STK32A: variants seen among roughly 807,000 people sequenced by gnomAD.
STK32A encodes serine/threonine-protein kinase 32A.
A neutral mutation model predicts 53.2 loss-of-function variants in STK32A; 41 were observed. The observed-to-expected ratio is 0.77, with a 90% CI of 0.60 to 1.00. The LOEUF (loss-of-function observed/expected upper bound fraction) is 1.00. Ranked by LOEUF, STK32A falls within the 50% of genes least tolerant of loss-of-function variation. The pLI, the probability that STK32A is intolerant of heterozygous loss-of-function variation, is 0.00. For synonymous variants in STK32A, 166 were observed against 162.8 expected, an observed-to-expected ratio of 1.02 and a Z score of -0.15; for missense variants, 458 against 485.8, an observed-to-expected ratio of 0.94 and a Z score of 0.54.
chr5:147,378,618 G>C (rs1165700630), intron 11 of STK32A, among the ~76,000 whole-genome samples: 1 of 152,014 alleles, frequency 6.6e-6, no homozygotes, highest in Non-Finnish European at 1.5e-5. Flanking sequence ...ATTCATCACT[G>C]TTTAGGTACC....
chr5:147,327,846 T>C (rs1033895979), intron 5 of STK32A, among the ~76,000 whole-genome samples: 5 of 152,228 alleles, frequency 3.3e-5, no homozygotes, highest in African/African-American at 9.6e-5. Context: ...GCTGCAGCTC[T>C]GAGGGGAGCA....
intron 4 of STK32A, among the ~76,000 whole-genome samples, chr5:147,279,894 C>T (rs546984983): frequency 2.6e-5 from 4 of 152,246 alleles, no homozygotes; most frequent in South Asian, 2.1e-4. Context: ...CTGAAGGAAA[C>T]GACTGCTCCT....
chr5:147,293,246 A>G (rs1239270634), intron 4 of STK32A, among the ~76,000 whole-genome samples: 1 of 152,138 alleles, frequency 6.6e-6, no homozygotes, highest in African/African-American at 2.4e-5. Context: ...TGACATAACA[A>G]TCGTAATTAT....
At chr5:147,303,233 T>C (rs10042676) in intron 4 of STK32A, among the ~76,000 whole-genome samples, 6,326 of 152,252 alleles carry the variant, frequency 0.042, 412 homozygotes, top group East Asian at 0.21. Flanking sequence ...CAAAACTTAT[T>C]AACTCAAAAC....
intron 2 of STK32A, among the ~76,000 whole-genome samples, chr5:147,266,815 G>A (rs1197837245): frequency 2.6e-5 from 4 of 152,026 alleles, no homozygotes; most frequent in African/African-American, 4.8e-5. Context: ...ACCTGAGGTC[G>A]GGAGTTCAAG....
At position 147,316,859 on chromosome 5, in the gene STK32A, GAAA is replaced by G. The variant is rs35058586; in HGVS notation, c.261-7018_261-7016del. ...TAAATAGCAAGACCCTGTTTCTGGC[GAAA>G]AAAAAAAAAAAAAAAAAAAAGGAAG... is the stretch of plus-strand genomic sequence containing the variant. On this transcript the variant is annotated intron_variant, in intron 4 of 12. Coordinates refer to ENST00000397936, the MANE Select transcript of STK32A (RefSeq NM_001112724.2). 7.5e-3 allele frequency among the ~76,000 whole-genome samples: 458 copies of G among 61,332 alleles called. 2 individuals carry two copies. Among genetic ancestry groups the G allele is most frequent in the African/African-American group, 0.029 (437 of 15,234 alleles). 40.2% of individuals were successfully genotyped at this position (61,332 alleles called of 152,430 possible). A position where few individuals can be genotyped will look rare whatever the true frequency, so the allele number is the denominator to read the frequency against.
intron 2 of STK32A, among the ~76,000 whole-genome samples, chr5:147,260,191 C>G: frequency 2.3e-5 from 1 of 43,096 alleles, no homozygotes; most frequent in South Asian, 6.4e-4. Flanking sequence ...TCTCTCTCTC[C>G]TCTCTCTCTC....
At chr5:147,310,066 T>C (rs965837871) in intron 4 of STK32A, among the ~76,000 whole-genome samples, 3 of 152,212 alleles carry the variant, frequency 2.0e-5, no homozygotes, top group Non-Finnish European at 4.4e-5. Flanking sequence ...ACTGATACTT[T>C]AATATTCTTA....
At chr5:147,263,159 C>T (rs1009057832) in intron 2 of STK32A, among the ~76,000 whole-genome samples, 32 of 152,268 alleles carry the variant, frequency 2.1e-4, no homozygotes, top group Non-Finnish European at 1.2e-4. Flanking sequence ...TCCCACTTGG[C>T]TCTGATAATA....
At chr5:147,370,130 A>C (rs1756943553) in intron 8 of STK32A, among the ~76,000 whole-genome samples, 1 of 152,146 alleles carries the variant, frequency 6.6e-6, no homozygotes, top group Admixed American at 6.6e-5. Context: ...ACTCTGTGGA[A>C]CCAGGGACTC....
the STK32A span, chr5:147,401,491 CAAG>C: frequency 6.4e-7 from 1 of 1,558,808 alleles, no homozygotes; most frequent in Admixed American, 1.9e-5. Flanking sequence ...CAGCTGGACT[CAAG>C]AGATGTTTTC....
intron 2 of STK32A, among the ~76,000 whole-genome samples, chr5:147,247,389 G>A (rs866598591): frequency 1.3e-5 from 2 of 152,176 alleles, no homozygotes; most frequent in African/African-American, 2.4e-5. Flanking sequence ...ACAGGACATT[G>A]GCAAAAAGGA....
chr5:147,370,565 GGTTGAAA>G lies in STK32A; in HGVS notation c.661-85_661-79del, dbSNP rs1368375958. 1.5e-4 allele frequency: 115 copies of G among 754,678 alleles called. No individual in the cohort carries two copies. The South Asian group carries it at 2.0e-3, about 13-fold the overall frequency. 46.7% of individuals were successfully genotyped at this position (754,678 alleles called of 1,614,324 possible). A position where few individuals can be genotyped will look rare whatever the true frequency, so the allele number is the denominator to read the frequency against. On this transcript the variant is annotated intron_variant, in intron 8 of 12. Coordinates refer to ENST00000397936, the MANE Select transcript of STK32A (RefSeq NM_001112724.2). ...TAGAAATTGATATAGATATTTTATC[GGTTGAAA>G]GTTTAGCTTGGAAACATTTGGAAAT...
chr5:147,235,645 T>A (rs1753281127), intron 1 of STK32A, among the ~76,000 whole-genome samples: 1 of 152,184 alleles, frequency 6.6e-6, no homozygotes, highest in Non-Finnish European at 1.5e-5. Flanking sequence ...TACCTAGATT[T>A]CAGAAGTATG....
chr5:147,269,528 G>A (rs945296422), intron 2 of STK32A, among the ~76,000 whole-genome samples: 3 of 152,176 alleles, frequency 2.0e-5, no homozygotes, highest in East Asian at 1.9e-4. Flanking sequence ...AATTGACTTT[G>A]CCTTTAGCGA....
At chr5:147,394,004 G>T in the STK32A span, 1 of 1,608,438 alleles carries the variant, frequency 6.2e-7, no homozygotes, top group Non-Finnish European at 8.5e-7. Context: ...ATCTCTTCTT[G>T]CTTCTGCCCC....
the STK32A span, chr5:147,393,810 G>A: frequency 1.8e-6 from 1 of 556,316 alleles, no homozygotes. Flanking sequence ...TGTAAATGGG[G>A]GGAGGGGAGT....
chr5:147,260,378 T>G (rs1317234798), intron 2 of STK32A, among the ~76,000 whole-genome samples: 1 of 151,832 alleles, frequency 6.6e-6, no homozygotes, highest in Non-Finnish European at 1.5e-5. Context: ...CTCTGCCAGC[T>G]GCTTATGCTG....
chr5:147,375,328 G>C, intron 11 of STK32A, 110 bp downstream of exon 11: 1 of 1,385,840 alleles, frequency 7.2e-7, no homozygotes, highest in Admixed American at 2.7e-5. Flanking sequence ...TTGCTGCTTA[G>C]TGAAATAGGA....
Sources: gnomAD v4.1 joint callset for allele counts (sites outside exome capture counted in the v4.1 genomes callset) on GRCh38, gnomAD v4.1.1 for gene constraint, MANE v1.5 for transcripts, NCBI Gene and HGNC (gene_info 2026-07-23, HGNC 2026-07-21) for gene names.